Variants in SP7 observed in about 807,000 individuals in gnomAD.
SP7 encodes transcription factor Sp7.
Under a neutral mutation model 27.9 loss-of-function variants are expected in SP7, and 13 were observed. The ratio of observed to expected loss-of-function variants is 0.47; its 90% confidence interval spans 0.30 to 0.74. The LOEUF (loss-of-function observed/expected upper bound fraction) is 0.74. Among genes scored for constraint, SP7 ranks in the 30% least tolerant of loss-of-function variants. The probability of loss-of-function intolerance (pLI) is 0.06; values close to 1 mark genes in which losing one functional copy is unlikely to be tolerated. For synonymous variants in SP7, 219 were observed against 226.7 expected, an observed-to-expected ratio of 0.97 and a Z score of 0.31; for missense variants, 525 against 558.0, an observed-to-expected ratio of 0.94 and a Z score of 0.60.
At chr12:53,332,485 G>A (rs1326564507) in intron 2 of SP7, among the ~76,000 whole-genome samples, 1 of 152,100 alleles carries the variant, frequency 6.6e-6, no homozygotes, top group African/African-American at 2.4e-5. Flanking sequence ...GGCTGAGATG[G>A]GAAGCTCACT....
At position 53,329,584 on chromosome 12, in the gene SP7, G is replaced by A. The variant is rs10747667; in HGVS notation, c.22-164C>T. On this transcript the variant is annotated intron_variant, in intron 2 of 2. Coordinates refer to ENST00000536324, the MANE Select transcript of SP7 (RefSeq NM_001173467.3). Reference sequence around the variant, plus strand: ...CAGGTAAAAGAGGTTAGCCAGTGAGGGCTGGACCTCAGGGCAGACTCATGG... The same window carrying A: ...CAGGTAAAAGAGGTTAGCCAGTGAGAGCTGGACCTCAGGGCAGACTCATGG... Among the ~76,000 whole-genome samples the A allele has an allele frequency of 0.92, 140,199 of 152,118 alleles. 65,729 individuals are homozygous for A. Among genetic ancestry groups the A allele is most frequent in the East Asian group, 1 (5,184 of 5,184 alleles).
At chr12:53,331,135 A>G (rs1944698542) in intron 2 of SP7, among the ~76,000 whole-genome samples, 1 of 152,176 alleles carries the variant, frequency 6.6e-6, no homozygotes, top group Admixed American at 6.5e-5. Flanking sequence ...CTGTGAATGA[A>G]GGAAGACATG....
At chr12:53,329,550 G>T in intron 2 of SP7, 130 bp from the exon 3 acceptor site, 1 of 776,258 alleles carries the variant, frequency 1.3e-6, no homozygotes, top group Non-Finnish European at 2.1e-6. Flanking sequence ...TGAAGAGGGT[G>T]GAGAATTACA....
At chr12:53,335,965 G>T (rs765679580) in intron 1 of SP7, among the ~76,000 whole-genome samples, 181 bp downstream of exon 1, 1 of 151,918 alleles carries the variant, frequency 6.6e-6, no homozygotes, top group Admixed American at 6.6e-5. Context: ...AAAAAGGGGC[G>T]CCCATGGAAG....
At chr12:53,340,943 C>T (rs1944817036), upstream of SP7, among the ~76,000 whole-genome samples, 1 of 152,180 alleles carries the variant, frequency 6.6e-6, no homozygotes, top group Non-Finnish European at 1.5e-5. Context: ...TTCATGGCCT[C>T]AGGATTTAGA....
At chr12:53,340,471 CCA>C (rs1399576930), upstream of SP7, among the ~76,000 whole-genome samples, 1 of 152,118 alleles carries the variant, frequency 6.6e-6, no homozygotes, top group African/African-American at 2.4e-5. Flanking sequence ...ATCCAATACT[CCA>C]CACACACACC....
chr12:53,327,726 A>C lies in SP7; in HGVS notation c.*420T>G. ...AAAGAGTTCTGGAGAATGGAAAGCAATGGTGTAAGAAGTTGGGAAGACTGA... is the reference window on the plus strand; with the variant it reads ...AAAGAGTTCTGGAGAATGGAAAGCACTGGTGTAAGAAGTTGGGAAGACTGA... On this transcript the variant is annotated 3_prime_UTR_variant, in exon 3 of 3. Coordinates refer to ENST00000536324, the MANE Select transcript of SP7 (RefSeq NM_001173467.3). The C allele has an allele frequency of 5.4e-6, 1 of 185,380 alleles. No homozygotes were observed. The highest frequency in any genetic ancestry group is 1.1e-5 in the Non-Finnish European group (1 of 89,540). 11.5% of individuals were successfully genotyped at this position (185,380 alleles called of 1,614,324 possible). A position where few individuals can be genotyped will look rare whatever the true frequency, so the allele number is the denominator to read the frequency against.
At position 53,335,642 on chromosome 12, in the gene SP7, G is replaced by T. The variant is rs1463300395; in HGVS notation, c.5C>A (p.Ala2Glu). Residue 2 changes from alanine to glutamate, a missense_variant, in exon 2 of 3, where the codon GCG becomes GAG. By Grantham distance (107) the Ala-to-Glu change is moderately radical (BLOSUM62 -1). Transcript: ENST00000536324. Reference sequence around the variant, plus strand: ...GACAGTTACCTCAAGCAGGGAGGACGCCATCCTGAGGCTGGGGAACGGGTC... The same window carrying T: ...GACAGTTACCTCAAGCAGGGAGGACTCCATCCTGAGGCTGGGGAACGGGTC... The part of the protein sequence containing the change: M[A>E]SSLLEEEVHY... 5 of 1,535,636 alleles carry T rather than the reference G, an allele frequency of 3.3e-6. No homozygotes were observed. Among genetic ancestry groups the T allele is most frequent in the Non-Finnish European group, 4.4e-6 (5 of 1,139,460 alleles).
upstream of SP7, chr12:53,336,453 A>C (rs1592536271): frequency 1.4e-5 from 2 of 142,206 alleles, no homozygotes; most frequent in African/African-American, 2.6e-5. Context: ...CAGGGGGGGG[A>C]TGGGGGGTTG....
rs938817126 is a variant in SP7 at position 53,327,671 on chromosome 12, A to G, written c.*475T>C. 1.7e-4 allele frequency: 27 copies of G among 158,838 alleles called. No homozygotes were observed. The highest frequency in any genetic ancestry group is 1.5e-3 in the Admixed American group (25 of 16,358). 9.8% of individuals were successfully genotyped at this position (158,838 alleles called of 1,614,324 possible). ...AGAGGCCACCAGGGGGCAATAAATT[A>G]TCATTATCATTGTGTTTGTAAAAAG... is the stretch of plus-strand genomic sequence containing the variant. On this transcript the variant is annotated 3_prime_UTR_variant, in exon 3 of 3. Transcript: ENST00000536324.
chr12:53,334,876 C>G (rs1005850415), intron 2 of SP7, among the ~76,000 whole-genome samples: 1 of 152,228 alleles, frequency 6.6e-6, no homozygotes, highest in South Asian at 2.1e-4. Flanking sequence ...GGTCCCAGCC[C>G]GGAGGGGAAG....
intron 2 of SP7, among the ~76,000 whole-genome samples, chr12:53,331,535 G>A (rs1944705902): frequency 6.6e-6 from 1 of 150,664 alleles, no homozygotes. Context: ...GCTGCTACCA[G>A]GCCAAACCAC....
Position 53,328,448 on chromosome 12 carries a change from C to T in SP7, c.994G>A (p.Gly332Ser), listed in dbSNP as rs187209359. ...RPFVCNWLFC[G>S]KRFTRSDELE... is the part of the protein sequence containing the mutation. ...TCATCCGAACGAGTGAACCTCTTGC[C>T]GCAGAAGAGCCAGTTGCAGACGAAG... The change falls in exon 3 of 3, where the codon GGC (glycine) becomes AGC (serine). Residue 332 changes from glycine (G) to serine (S), a missense_variant. Physicochemically the swap from Gly to Ser is moderately conservative, Grantham distance 56. Transcript: ENST00000536324. This position sits in a 1 kb window ranked among gnomAD's most constrained non-coding sequence, Gnocchi z 5.1. The T allele has an allele frequency of 4.3e-6, 7 of 1,613,936 alleles. No homozygotes were observed. Among genetic ancestry groups the T allele is most frequent in the Non-Finnish European group, 4.2e-6 (5 of 1,179,880 alleles).
At chr12:53,338,387 GA>G (rs1466897526), upstream of SP7, among the ~76,000 whole-genome samples, 1 of 152,178 alleles carries the variant, frequency 6.6e-6, no homozygotes, top group Non-Finnish European at 1.5e-5. Flanking sequence ...ATCACCAGCA[GA>G]AAAGCCCGAC....
chr12:53,341,638 T>G (rs1318730445), intron 1 of SP7, among the ~76,000 whole-genome samples: 1 of 152,172 alleles, frequency 6.6e-6, no homozygotes, highest in Non-Finnish European at 1.5e-5. Flanking sequence ...CTCAAGGGAA[T>G]GGTCCTTCAA....
chr12:53,328,415 G>T lies in SP7; in HGVS notation c.1027C>A (p.Arg343Ser). The T allele has an allele frequency of 1.9e-6, 3 of 1,613,930 alleles. No individual in the cohort carries two copies. The highest frequency in any genetic ancestry group is 2.5e-6 in the Non-Finnish European group (3 of 1,179,862). Residue 343 changes from arginine (R) to serine (S), a missense_variant, in exon 3 of 3, where the codon CGT becomes AGT. Physicochemically the swap from Arg to Ser is moderately radical, Grantham distance 110 (BLOSUM62 -1). Transcript: ENST00000536324. The surrounding 1 kb of genome is among the most constrained non-coding windows in gnomAD (Gnocchi z 5.1). ...KRFTRSDELE[R>S]HVRTHTREKK... Reference sequence around the variant, plus strand: ...TCCCGGGTGTGAGTGCGCACATGACGCTCCAGCTCATCCGAACGAGTGAAC... The same window carrying T: ...TCCCGGGTGTGAGTGCGCACATGACTCTCCAGCTCATCCGAACGAGTGAAC...
upstream of SP7, among the ~76,000 whole-genome samples, chr12:53,340,564 G>A (rs1339373308): frequency 3.3e-5 from 5 of 152,182 alleles, no homozygotes; most frequent in East Asian, 1.9e-4. Flanking sequence ...CCAGGCCCCC[G>A]CTGCTCTGCG....
chr12:53,329,059 G>T lies in SP7; in HGVS notation c.383C>A (p.Ser128Tyr), dbSNP rs773646434. 1 of 1,613,858 alleles carries T rather than the reference G, an allele frequency of 6.2e-7. No homozygotes were observed. The highest frequency in any genetic ancestry group is 8.5e-7 in the Non-Finnish European group (1 of 1,179,864). ...SSDCLPSVYT[S>Y]LDMTHPYGSW... The stretch of plus-strand genomic sequence containing the variant: ...GCCATAGGGGTGTGTCATGTCCAGA[G>T]AGGTGTAGACACTGGGCAGACAGTC... Residue 128 changes from serine (S) to tyrosine (Y), a missense_variant, in exon 3 of 3, where the codon TCT becomes TAT. Physicochemically the swap from Ser to Tyr is moderately radical, Grantham distance 144. Transcript: ENST00000536324.
upstream of SP7, among the ~76,000 whole-genome samples, chr12:53,337,248 C>T (rs1200777512): frequency 6.6e-6 from 1 of 152,188 alleles, no homozygotes; most frequent in Admixed American, 6.5e-5. Context: ...ACTCCTGGTT[C>T]CCTTTCTCAT....
Sources: allele counts gnomAD v4.1 joint callset (sites outside exome capture counted in the v4.1 genomes callset), GRCh38; gene constraint gnomAD v4.1.1; non-coding constraint Gnocchi (gnomAD v3.1); transcripts MANE v1.5; gene names NCBI Gene and HGNC (gene_info 2026-07-23, HGNC 2026-07-21).